SRCAP: variants seen among roughly 807,000 people sequenced by gnomAD.
The protein encoded by SRCAP is Snf2 related CREBBP activator protein.
A neutral mutation model predicts 263.1 loss-of-function variants in SRCAP; 46 were observed. That is an observed-to-expected ratio of 0.17 (90% CI 0.14 to 0.22). The LOEUF (loss-of-function observed/expected upper bound fraction) is 0.22, where lower values mean the gene tolerates loss of function less well. SRCAP is among the 10% of genes least tolerant of loss of function. The pLI, the probability that SRCAP is intolerant of heterozygous loss-of-function variation, is 1.00. For missense variants in SRCAP, 3,695 were observed against 4,181.9 expected (o/e 0.88, Z 3.21); for synonymous variants, 1,813 against 1,662.1 (o/e 1.09, Z -2.21).
chr16:30,725,094 T>G lies in SRCAP; in HGVS notation c.5658+12T>G, dbSNP rs1306121550. ...CCCCTTTTTATCTGGTAAGTTTTAC[T>G]TCCTCAAGAGGGAACAGGAAGTTGA... On this transcript the variant is annotated intron_variant, in intron 25 of 33. Transcript: ENST00000262518. The G allele has an allele frequency of 6.3e-7, 1 of 1,597,552 alleles. No homozygotes were observed. Among genetic ancestry groups the G allele is most frequent in the Admixed American group, 1.7e-5 (1 of 58,690 alleles).
Position 30,736,533 on chromosome 16 carries a change from C to T in SRCAP, c.6925-8C>T, listed in dbSNP as rs1468314217. 1.2e-6 allele frequency: 2 copies of T among 1,614,158 alleles called. No homozygotes were observed. Among genetic ancestry groups the T allele is most frequent in the East Asian group, 2.2e-5 (1 of 44,874 alleles). ...TCCTAAGTTTATCACCACCGCTCCT[C>T]CTTGCAGCTGACCCCCATTGAGCGC... On this transcript the variant is annotated splice_polypyrimidine_tract_variant and splice_region_variant and intron_variant, in intron 32 of 33. Transcript: ENST00000262518.
Position 30,712,293 on chromosome 16 carries a change from G to C in SRCAP, c.1847G>C (p.Gly616Ala). The C allele has an allele frequency of 6.2e-7, 1 of 1,602,044 alleles. No homozygotes were observed. Among genetic ancestry groups the C allele is most frequent in the South Asian group, 1.1e-5 (1 of 89,864 alleles). Residue 616 changes from glycine (G) to alanine (A), a missense_variant, in exon 13 of 34, where the codon GGC becomes GCC. By Grantham distance (60) the Gly-to-Ala change is moderately conservative. Transcript: ENST00000262518. ...ACGCCCATTCCCCTGCTTCTGCGGG[G>C]CCAGCTCCGGGAGTACCAGCACATT... ...VKTPIPLLLRGQLREYQHIGL... is the reference protein window; with the variant it reads ...VKTPIPLLLRAQLREYQHIGL...
rs146224299 is a variant in SRCAP at position 30,739,337 on chromosome 16, C to A, written c.9297C>A (p.Ser3099Arg). 8.1e-6 allele frequency: 13 copies of A among 1,614,084 alleles called. No homozygotes were observed. The South Asian group carries it at 1.3e-4, about 16-fold the overall frequency. Residue 3099 changes from serine to arginine, a missense_variant, in exon 34 of 34, where the codon AGC (serine) becomes AGA (arginine). Ser to Arg is a moderately radical substitution (Grantham distance 110). Coordinates refer to ENST00000262518, the MANE Select transcript of SRCAP (RefSeq NM_006662.3). ...VIQDDLDLAD[S>R]GPGGLELTPP... ...AGGATGACCTGGACTTAGCAGATAG[C>A]GGGCCAGGCGGGTTGGAATTGACAC...
At chr16:30,704,413 GGA>G (rs1223872845) in intron 4 of SRCAP, 98 bp downstream of exon 4, 8 of 1,442,890 alleles carry the variant, frequency 5.5e-6, no homozygotes, top group Non-Finnish European at 7.5e-6. Context: ...TTTTTGTCAT[GGA>G]TTTAGGGTAT....
At position 30,733,930 on chromosome 16, in the gene SRCAP, A is replaced by G; in HGVS notation, c.6531A>G (p.Leu2177=). 1 of 1,613,894 alleles carries G rather than the reference A, an allele frequency of 6.2e-7. No homozygotes were observed. The highest frequency in any genetic ancestry group is 8.5e-7 in the Non-Finnish European group (1 of 1,179,884). The part of the protein sequence containing the change: ...ISERTVEENI[L]KKANQKRMLG... Reference sequence around the variant, plus strand: ...AACGGACAGTGGAGGAGAACATCCTAAAAAAGGCAAATCAGAAGAGAATGT... The same window carrying G: ...AACGGACAGTGGAGGAGAACATCCTGAAAAAGGCAAATCAGAAGAGAATGT... Residue 2177 remains leucine, a synonymous_variant, in exon 30 of 34, where the codon CTA becomes CTG. Coordinates refer to ENST00000262518, the MANE Select transcript of SRCAP (RefSeq NM_006662.3). The surrounding 1 kb of genome is among the most constrained non-coding windows in gnomAD (Gnocchi z 5.3).
Position 30,724,542 on chromosome 16 carries a change from C to T in SRCAP, c.5118C>T (p.Asn1706=), listed in dbSNP as rs745991947. ...PSQTLSLGTG[N]PQGPFPTQTL... ...AGACACTCTCTTTGGGAACGGGGAA[C>T]CCCCAGGGACCCTTTCCAACTCAGA... The change falls in exon 25 of 34, where the codon AAC becomes AAT. Residue 1706 remains asparagine (N), a synonymous_variant. Coordinates refer to ENST00000262518, the MANE Select transcript of SRCAP (RefSeq NM_006662.3). 4.3e-6 allele frequency: 7 copies of T among 1,614,190 alleles called. No homozygotes were observed. Among genetic ancestry groups the T allele is most frequent in the South Asian group, 2.2e-5 (2 of 91,090 alleles).
rs986926181 is a variant in SRCAP, at chr16:30,716,499, T to C, written c.2817+20T>C. ...CTCCAGGTAAGTATGATTCCATTAA[T>C]ATGAAATGTAAAGGTTATCGGCATT... On this transcript the variant is annotated intron_variant, in intron 18 of 33. Coordinates refer to ENST00000262518, the MANE Select transcript of SRCAP (RefSeq NM_006662.3). The C allele has an allele frequency of 3.1e-6, 5 of 1,593,892 alleles. No individual in the cohort carries two copies. Among genetic ancestry groups the C allele is most frequent in the Non-Finnish European group, 4.3e-6 (5 of 1,169,076 alleles).
At chr16:30,710,658 G>C in intron 8 of SRCAP, 96 bp from the exon 9 acceptor site, 2 of 1,222,778 alleles carry the variant, frequency 1.6e-6, no homozygotes, top group East Asian at 2.3e-5. Context: ...TCACTCAATG[G>C]GACAGTGATT....
intron 6 of SRCAP, among the ~76,000 whole-genome samples, chr16:30,708,101 C>T (rs1392622143): frequency 1.3e-5 from 2 of 152,224 alleles, no homozygotes; most frequent in Admixed American, 1.3e-4. Context: ...CATTCCTTCT[C>T]CCTTCCACTC....
chr16:30,736,406 A>G lies in SRCAP; in HGVS notation c.6924+12A>G. ...CCCTCGTAGAACAGGTCAGTGCTGG[A>G]CCCACTAGTTCTTGACTTTACTGCT... On this transcript the variant is annotated intron_variant, in intron 32 of 33. Coordinates refer to ENST00000262518, the MANE Select transcript of SRCAP (RefSeq NM_006662.3). The G allele has an allele frequency of 6.2e-7, 1 of 1,607,240 alleles. No individual in the cohort carries two copies. Among genetic ancestry groups the G allele is most frequent in the Non-Finnish European group, 8.5e-7 (1 of 1,175,248 alleles).
At chr16:30,707,467 G>A (rs1299759994) in intron 5 of SRCAP, 99 bp downstream of exon 5, 3 of 1,605,096 alleles carry the variant, frequency 1.9e-6, no homozygotes, top group Non-Finnish European at 2.6e-6. Context: ...GGCATTAAGA[G>A]CAAACTCTTG....
Position 30,737,260 on chromosome 16 carries a change from A to G in SRCAP, c.7220A>G (p.Gln2407Arg). Residue 2407 changes from glutamine (Q) to arginine (R), a missense_variant, in exon 34 of 34, where the codon CAA becomes CGA. Gln to Arg is a conservative substitution (Grantham distance 43). This residue lies in a region of SRCAP where 1,207 missense variants were observed against 1,142.9 expected (regional missense o/e 1.06). Coordinates refer to ENST00000262518, the MANE Select transcript of SRCAP (RefSeq NM_006662.3). ...CTTCGTGGAGCCCGGGCTGAGACTC[A>G]AGGGGCAAACCACACTCCTGTCATA... ...ERLRGARAET[Q>R]GANHTPVISA... is the part of the protein sequence containing the mutation. 1 of 1,613,950 alleles carries G rather than the reference A, an allele frequency of 6.2e-7. No homozygotes were observed. The highest frequency in any genetic ancestry group is 8.5e-7 in the Non-Finnish European group (1 of 1,180,000).
At chr16:30,706,636 T>C (rs938715079) in intron 4 of SRCAP, among the ~76,000 whole-genome samples, 1 of 152,216 alleles carries the variant, frequency 6.6e-6, no homozygotes, top group Admixed American at 6.5e-5. Flanking sequence ...CATAAACATA[T>C]GCATTTTTAC....
At position 30,738,668 on chromosome 16, in the gene SRCAP, T is replaced by G; in HGVS notation, c.8628T>G (p.Gly2876=). The G allele has an allele frequency of 6.2e-7, 1 of 1,612,678 alleles. No individual in the cohort carries two copies. Among genetic ancestry groups the G allele is most frequent in the Non-Finnish European group, 8.5e-7 (1 of 1,179,532 alleles). ...KNRSPADAGR[G]VDEAPSSTLK... ...GGTCTCCAGCAGATGCTGGGAGAGG[T>G]GTGGATGAGGCACCCTCATCCACCT... Residue 2876 remains glycine, a synonymous_variant, in exon 34 of 34, where the codon GGT becomes GGG. Coordinates refer to ENST00000262518, the MANE Select transcript of SRCAP (RefSeq NM_006662.3).
chr16:30,721,358 T>G lies in SRCAP; in HGVS notation c.3423T>G (p.Pro1141=). ...LTVPPGYTFP[P]AAATTTSTTT... ...TGCCACCAGGCTACACCTTCCCTCC[T>G]GCTGCTGCCACCACCACTTCTACCA... Residue 1141 remains proline (P), a synonymous_variant, in exon 21 of 34, where the codon CCT becomes CCG. Transcript: ENST00000262518. The G allele has an allele frequency of 1.2e-6, 2 of 1,614,156 alleles. No individual in the cohort carries two copies. The highest frequency in any genetic ancestry group is 8.5e-7 in the Non-Finnish European group (1 of 1,180,040).
chr16:30,721,103 G>T (rs2053006976), intron 20 of SRCAP, 86 bp from the exon 21 acceptor site: 2 of 1,537,116 alleles, frequency 1.3e-6, no homozygotes, highest in Non-Finnish European at 1.8e-6. Context: ...GTATTTGATG[G>T]GTTGGAAGGG....
intron 25 of SRCAP, chr16:30,725,580 A>C: frequency 1.3e-5 from 2 of 151,880 alleles, no homozygotes; most frequent in Non-Finnish European, 2.9e-5. Flanking sequence ...CTTCATGCCT[A>C]CTCCCCCACC....
chr16:30,716,225 C>T (rs780525389), intron 17 of SRCAP, 23 bp downstream of exon 17: 10 of 1,613,628 alleles, frequency 6.2e-6, no homozygotes, highest in Non-Finnish European at 8.5e-6. Context: ...GGAGGGTGGG[C>T]CCTGGGACTC....
Position 30,713,499 on chromosome 16 carries a change from T to G in SRCAP, c.2301-20T>G. On this transcript the variant is annotated intron_variant, in intron 15 of 33. Transcript: ENST00000262518. ...AGCTTGCTGACCATACTCTCTCTGA[T>G]TCTCTCTGTCTCTTTGCAGCCAGAG... 6.2e-7 allele frequency: 1 copy of G among 1,613,742 alleles called. No individual in the cohort carries two copies. The highest frequency in any genetic ancestry group is 8.5e-7 in the Non-Finnish European group (1 of 1,179,776).
Sources: allele counts gnomAD v4.1 joint callset (sites outside exome capture counted in the v4.1 genomes callset), GRCh38; gene constraint gnomAD v4.1.1; regional missense constraint gnomAD v4.1.1; non-coding constraint Gnocchi (gnomAD v3.1); transcripts MANE v1.5; gene names NCBI Gene and HGNC (gene_info 2026-07-23, HGNC 2026-07-21).